PCNX2: variants seen among roughly 807,000 people sequenced by gnomAD.
PCNX2 encodes the protein pecanex 2, also known as pecanex-like protein 2.
In PCNX2, 168 loss-of-function variants were observed where a neutral mutation model predicts 223.8. The ratio of observed to expected loss-of-function variants is 0.75; its 90% CI spans 0.66 to 0.85. The LOEUF (loss-of-function observed/expected upper bound fraction) is 0.85, where lower values mean the gene tolerates loss of function less well. Among genes scored for constraint, PCNX2 ranks in the 40% least tolerant of loss-of-function variants. The probability of loss-of-function intolerance (pLI) is 0.00; values close to 1 mark genes in which losing one functional copy is unlikely to be tolerated. For missense variants in PCNX2, 2,507 were observed against 2,675.5 expected, an observed-to-expected ratio of 0.94 and a Z score of 1.39; for synonymous variants, 1,006 against 1,052.6, an observed-to-expected ratio of 0.96 and a Z score of 0.86.
chr1:233,281,062 G>A (rs1661170895), intron 1 of PCNX2, among the ~76,000 whole-genome samples: 1 of 152,180 alleles, frequency 6.6e-6, no homozygotes, highest in African/African-American at 2.4e-5. Context: ...AAGTGCAACA[G>A]AGCAACACAG....
intron 15 of PCNX2, among the ~76,000 whole-genome samples, chr1:233,183,960 G>C (rs772519663): frequency 1.2e-4 from 19 of 152,320 alleles, no homozygotes; most frequent in Middle Eastern, 6.8e-3. Flanking sequence ...ACTTCACCCT[G>C]CTCTGTCCAT....
intron 17 of PCNX2, among the ~76,000 whole-genome samples, chr1:233,177,598 C>T (rs1679552406): frequency 6.6e-6 from 1 of 152,184 alleles, no homozygotes; most frequent in South Asian, 2.1e-4. Flanking sequence ...AAGTGATATT[C>T]TTTACAGCAC....
chr1:233,188,000 C>A (rs188483300), intron 15 of PCNX2, among the ~76,000 whole-genome samples: 2 of 152,358 alleles, frequency 1.3e-5, no homozygotes, highest in Admixed American at 6.5e-5. Context: ...TAACCACCAA[C>A]TATTTATGCT....
intron 19 of PCNX2, among the ~76,000 whole-genome samples, chr1:233,145,590 T>C (rs892366744): frequency 6.6e-6 from 1 of 152,094 alleles, no homozygotes; most frequent in African/African-American, 2.4e-5. Flanking sequence ...AGGGCTGGCA[T>C]CTCGCCTTCT....
chr1:233,013,132 A>C (rs1185803274), intron 28 of PCNX2, among the ~76,000 whole-genome samples: 1 of 152,210 alleles, frequency 6.6e-6, no homozygotes, highest in Non-Finnish European at 1.5e-5. Context: ...GAGAGACCAG[A>C]GGCCAGCCAG....
Position 232,984,381 on chromosome 1 carries a change from C to A in PCNX2, c.6337G>T (p.Val2113Phe), listed in dbSNP as rs772047981. ...TCCTCCTGGCTTGCTCTCCTGCAGA[C>A]AACCCCGAGAGTGTCCGCCACAGCC... The part of the protein sequence containing the change: ...AEAVADTLGV[V>F]CRRASQEDMG... The change falls in exon 34 of 34, where the codon GTC (valine) becomes TTC (phenylalanine). Residue 2113 changes from valine (V) to phenylalanine (F), a missense_variant. Physicochemically the swap from Val to Phe is conservative, Grantham distance 50 (BLOSUM62 -1). Transcript: ENST00000258229. The A allele has an allele frequency of 1.9e-6, 3 of 1,613,684 alleles. No homozygotes were observed. The highest frequency in any genetic ancestry group is 2.5e-6 in the Non-Finnish European group (3 of 1,179,846).
At chr1:233,263,212 T>C (rs1294419755) in intron 1 of PCNX2, 49 bp from the exon 2 acceptor site, 9 of 1,447,062 alleles carry the variant, frequency 6.2e-6, no homozygotes, top group Non-Finnish European at 9.3e-7. Context: ...TAAGATTTTC[T>C]TTCTGTTTTA....
chr1:233,017,248 G>A (rs1184472924), intron 26 of PCNX2, 94 bp from the exon 27 acceptor site: 17 of 899,220 alleles, frequency 1.9e-5, no homozygotes, highest in Admixed American at 5.1e-5. Context: ...ATCCCTACAT[G>A]TGGTATCATT....
intron 32 of PCNX2, among the ~76,000 whole-genome samples, chr1:232,989,415 C>T (rs1669616129): frequency 6.6e-6 from 1 of 151,976 alleles, no homozygotes. Flanking sequence ...GATAGCGCCA[C>T]TGCCGTCCGG....
At chr1:233,259,815 GAT>G in intron 4 of PCNX2, 1 of 883,644 alleles carries the variant, frequency 1.1e-6, no homozygotes, top group Non-Finnish European at 1.4e-6. Context: ...CGGCTGCATT[GAT>G]ACTTATTTTT....
At chr1:233,050,496 G>A (rs1218430325) in intron 25 of PCNX2, among the ~76,000 whole-genome samples, 2 of 152,018 alleles carry the variant, frequency 1.3e-5, no homozygotes, top group Non-Finnish European at 2.9e-5. Flanking sequence ...TAGACCAATG[G>A]AACAGAATAG....
At chr1:233,292,202 C>CTTTTTTTTTTTTTTTTT (rs963996089) in intron 1 of PCNX2, among the ~76,000 whole-genome samples, 12 of 109,476 alleles carry the variant, frequency 1.1e-4, no homozygotes, top group Non-Finnish European at 1.8e-4. Flanking sequence ...TTCTTTCTTT[C>CTTTTTTTTTTTTTTTTT]TTTTTTTTTT....
chr1:233,270,367 A>T (rs1660580285), intron 1 of PCNX2, among the ~76,000 whole-genome samples: 2 of 152,226 alleles, frequency 1.3e-5, no homozygotes, highest in Non-Finnish European at 2.9e-5. Flanking sequence ...TTGTGATTAT[A>T]TGTTGAAAAC....
chr1:233,134,591 C>CAGGCAGGGAGGG (rs1185118304), intron 21 of PCNX2, among the ~76,000 whole-genome samples: 4 of 151,214 alleles, frequency 2.6e-5, no homozygotes, highest in African/African-American at 7.3e-5. Flanking sequence ...GGCGGGAAGG[C>CAGGCAGGGAGGG]AGGCAGGGAG....
At chr1:233,232,353 A>T (rs532251735) in intron 9 of PCNX2, among the ~76,000 whole-genome samples, 2 of 152,294 alleles carry the variant, frequency 1.3e-5, no homozygotes, top group African/African-American at 4.8e-5. Context: ...TGGCTAATGT[A>T]AGTGTTCTGA....
At chr1:233,196,755 G>A (rs78288814) in intron 15 of PCNX2, among the ~76,000 whole-genome samples, 1,953 of 152,222 alleles carry the variant, frequency 0.013, 23 homozygotes, top group South Asian at 0.038. Context: ...TGTGAGGGTA[G>A]GGAAAAGAAA....
intron 17 of PCNX2, among the ~76,000 whole-genome samples, chr1:233,170,514 A>G (rs1231203856): frequency 6.6e-6 from 1 of 152,200 alleles, no homozygotes; most frequent in Non-Finnish European, 1.5e-5. Context: ...ATTGATTTAG[A>G]GGAATCTTAT....
chr1:232,986,053 A>G (rs1342684633), intron 33 of PCNX2, 39 bp downstream of exon 33: 4 of 1,549,504 alleles, frequency 2.6e-6, no homozygotes, highest in Non-Finnish European at 3.5e-6. Flanking sequence ...CCGTGCCACC[A>G]TCCCAGCCTG....
chr1:233,044,394 C>G (rs536919203), intron 25 of PCNX2, among the ~76,000 whole-genome samples: 9 of 152,132 alleles, frequency 5.9e-5, no homozygotes, highest in Non-Finnish European at 7.3e-5. Flanking sequence ...TTTTGCTGTG[C>G]AGAAGCTCTT....
Sources: gnomAD v4.1 joint callset for allele counts (sites outside exome capture counted in the v4.1 genomes callset) on GRCh38, gnomAD v4.1.1 for gene constraint, MANE v1.5 for transcripts, NCBI Gene and HGNC (gene_info 2026-07-23, HGNC 2026-07-21) for gene names.